The following SPG11 variants were observed in gnomAD, a reference collection of about 807,000 sequenced individuals.
The protein encoded by SPG11 is SPG11 vesicle trafficking associated, spatacsin.
Under a neutral mutation model 274.0 loss-of-function variants are expected in SPG11, and 222 were observed. The ratio of observed to expected loss-of-function variants is 0.81; its 90% CI spans 0.73 to 0.91. The LOEUF (loss-of-function observed/expected upper bound fraction) is 0.91, where lower values mean the gene tolerates loss of function less well. SPG11 is among the 40% of genes least tolerant of loss of function. The probability of loss-of-function intolerance (pLI) is 0.00; values close to 1 mark genes in which losing one functional copy is unlikely to be tolerated. For synonymous variants in SPG11, 1,144 were observed against 1,039.7 expected (o/e 1.10, Z -1.93); for missense variants, 3,114 against 2,872.7 (o/e 1.08, Z -1.92).
In SPG11 at chr15:44,572,668, A is replaced by C; in HGVS notation, c.6343+15T>G. Reference sequence around the variant, plus strand: ...TTTAGGGCCAAAATATGTAAGAAAAAGGTCAATAACTTACTGCAAGACAGT... The same window carrying C: ...TTTAGGGCCAAAATATGTAAGAAAACGGTCAATAACTTACTGCAAGACAGT... On this transcript the variant is annotated intron_variant, in intron 33 of 39. Transcript: ENST00000261866. 1 of 1,613,982 alleles carries C rather than the reference A, an allele frequency of 6.2e-7. No homozygotes were observed. The highest frequency in any genetic ancestry group is 8.5e-7 in the Non-Finnish European group (1 of 1,179,948).
At chr15:44,596,756 G>A (rs778692380) in intron 24 of SPG11, 28 bp downstream of exon 24, 20 of 1,425,040 alleles carry the variant, frequency 1.4e-5, no homozygotes, top group Admixed American at 1.3e-4. Flanking sequence ...ATTTCCTTTT[G>A]AGTGACTGCT....
intron 3 of SPG11, 72 bp downstream of exon 3, chr15:44,659,007 C>CCCAG (rs2085022182): frequency 1.4e-6 from 2 of 1,453,924 alleles, no homozygotes; most frequent in South Asian, 2.3e-5. Flanking sequence ...AAAACTAAAG[C>CCCAG]CTAAAAAGGC....
intron 33 of SPG11, 24 bp downstream of exon 33, chr15:44,572,658 TG>T: frequency 6.2e-7 from 1 of 1,613,922 alleles, no homozygotes; most frequent in Non-Finnish European, 8.5e-7. Context: ...GGCCAAAATA[TG>T]TAAGAAAAAG....
intron 4 of SPG11, among the ~76,000 whole-genome samples, chr15:44,652,502 A>G (rs759575203): frequency 6.6e-6 from 1 of 152,152 alleles, no homozygotes; most frequent in Non-Finnish European, 1.5e-5. Context: ...ACTGTCTACT[A>G]TATTTCAGAT....
At chr15:44,636,014 C>T (rs2084238858) in intron 7 of SPG11, among the ~76,000 whole-genome samples, 1 of 152,022 alleles carries the variant, frequency 6.6e-6, no homozygotes, top group Non-Finnish European at 1.5e-5. Flanking sequence ...ACTGCAAAAC[C>T]CTGCCCCTAG....
At chr15:44,619,783 C>T (rs538462445) in intron 15 of SPG11, among the ~76,000 whole-genome samples, 88 of 147,916 alleles carry the variant, frequency 5.9e-4, no homozygotes, top group African/African-American at 2.1e-3. Flanking sequence ...AGTGCAATGG[C>T]GCAATCTCGG....
chr15:44,642,923 C>T (rs1030883197), intron 7 of SPG11, among the ~76,000 whole-genome samples: 7 of 151,916 alleles, frequency 4.6e-5, no homozygotes, highest in African/African-American at 1.7e-4. Context: ...TGAGGCCAGG[C>T]AAGGTAAGGG....
chr15:44,577,502 C>CAAAAA (rs755097423), intron 30 of SPG11, among the ~76,000 whole-genome samples: 2 of 91,638 alleles, frequency 2.2e-5, no homozygotes, highest in African/African-American at 5.0e-5. Flanking sequence ...GGCCCTATCT[C>CAAAAA]AAAAAAAAAA....
In SPG11 at chr15:44,629,319, T is replaced by C; in HGVS notation, c.1805A>G (p.Gln602Arg). ...SAIRESYSEP[Q>R]SKHFSEQLLN... is the part of the protein sequence containing the mutation. ...CAATTGTTCTGAAAAGTGTTTGCTTTGGGGTTCAGAATAACTTTCTCTAAT... is the reference window on the plus strand; with the variant it reads ...CAATTGTTCTGAAAAGTGTTTGCTTCGGGGTTCAGAATAACTTTCTCTAAT... Residue 602 changes from glutamine to arginine, a missense_variant, in exon 9 of 40, where the codon CAA becomes CGA. By Grantham distance (43) the Gln-to-Arg change is conservative. Coordinates refer to ENST00000261866, the MANE Select transcript of SPG11 (RefSeq NM_025137.4). The C allele has an allele frequency of 6.2e-7, 1 of 1,614,168 alleles. No individual in the cohort carries two copies. Among genetic ancestry groups the C allele is most frequent in the South Asian group, 1.1e-5 (1 of 91,084 alleles).
In SPG11 at chr15:44,613,553, CA is replaced by C; in HGVS notation, c.3039-18del. 1 of 1,511,382 alleles carries C rather than the reference CA, an allele frequency of 6.6e-7. No individual in the cohort carries two copies. Among genetic ancestry groups the C allele is most frequent in the Non-Finnish European group, 9.2e-7 (1 of 1,087,452 alleles). 93.6% of individuals were successfully genotyped at this position (1,511,382 alleles called of 1,614,324 possible). A position where few individuals can be genotyped will look rare whatever the true frequency, so the allele number is the denominator to read the frequency against. ...GGACTAAGTCTGTATATAAAACAAACAAAAACCTTCTTTGATTAACATACAG... is the reference window on the plus strand; with the variant it reads ...GGACTAAGTCTGTATATAAAACAAACAAAACCTTCTTTGATTAACATACAG... On this transcript the variant is annotated intron_variant, in intron 16 of 39. Transcript: ENST00000261866.
intron 29 of SPG11, 68 bp downstream of exon 29, chr15:44,585,568 C>G: frequency 7.2e-7 from 1 of 1,388,886 alleles, no homozygotes; most frequent in Non-Finnish European, 1.0e-6. Context: ...CGCCACTGCA[C>G]TCCAGCCTGG....
At position 44,574,926 on chromosome 15, in the gene SPG11, G is replaced by A; in HGVS notation, c.5982C>T (p.Val1994=). 1.2e-6 allele frequency: 2 copies of A among 1,613,990 alleles called. No homozygotes were observed. Among genetic ancestry groups the A allele is most frequent in the Non-Finnish European group, 1.7e-6 (2 of 1,180,030 alleles). The change falls in exon 31 of 40, where the codon GTC becomes GTT. Residue 1994 remains valine (V), a synonymous_variant. Transcript: ENST00000261866. ...CCTTGGCAAGATCATACAGACAGAG[G>A]ACCTGTCGACAGTAGTTCTTCCCAT... is the stretch of plus-strand genomic sequence containing the variant. ...CLHGKNYCRQ[V]LCLYDLAKEL...
chr15:44,627,936 T>C lies in SPG11; in HGVS notation c.2067+733A>G, dbSNP rs188733507. Among the ~76,000 whole-genome samples the C allele has an allele frequency of 2.1e-3, 317 of 152,262 alleles. 2 individuals carry two copies. The highest frequency in any genetic ancestry group is 7.4e-3 in the African/African-American group (309 of 41,556). ...CAGAATGAATAAGAGATACAGAAAA[T>C]GCAGTCACACCACGTACTTTAATCC... On this transcript the variant is annotated intron_variant, in intron 10 of 39. Coordinates refer to ENST00000261866, the MANE Select transcript of SPG11 (RefSeq NM_025137.4).
intron 7 of SPG11, among the ~76,000 whole-genome samples, chr15:44,634,970 G>A (rs1182395736): frequency 1.3e-5 from 2 of 151,900 alleles, no homozygotes; most frequent in African/African-American, 2.4e-5. Context: ...TGTAATCCCA[G>A]CTTGGGAGGT....
chr15:44,565,797 G>T, intron 38 of SPG11, 57 bp downstream of exon 38: 1 of 1,605,734 alleles, frequency 6.2e-7, no homozygotes, highest in South Asian at 1.1e-5. Context: ...TTCCATGAGT[G>T]GGACAGAAGG....
chr15:44,593,205 A>T (rs540257106), intron 26 of SPG11, among the ~76,000 whole-genome samples: 3 of 151,576 alleles, frequency 2.0e-5, no homozygotes, highest in African/African-American at 7.3e-5. Context: ...ATTTTTTATT[A>T]TTTTTTTTGA....
intron 17 of SPG11, among the ~76,000 whole-genome samples, 191 bp from the exon 18 acceptor site, chr15:44,611,176 G>A (rs1240459519): frequency 7.0e-6 from 1 of 142,830 alleles, no homozygotes; most frequent in African/African-American, 2.6e-5. Flanking sequence ...TGAAAGATTT[G>A]TCTACATAAA....
chr15:44,633,324 C>CA lies in SPG11; in HGVS notation c.1735+180dup, dbSNP rs531787427. The CA allele has an allele frequency of 9.1e-3, 986 of 108,716 alleles. 234 individuals carry two copies. The highest frequency in any genetic ancestry group is 0.011 in the Non-Finnish European group (753 of 65,508). The allele number at this position is 108,716 out of a possible 1,614,324, so 6.7% of individuals were successfully genotyped here. The stretch of plus-strand genomic sequence containing the variant: ...TAGGCAACAGAGTGAGACTCTGTCT[C>CA]AAAAAAAAAAAAAAAAAAAAAAAAA... On this transcript the variant is annotated intron_variant, in intron 8 of 39. Transcript: ENST00000261866.
chr15:44,592,104 C>T (rs969102407), intron 27 of SPG11, among the ~76,000 whole-genome samples: 48 of 145,824 alleles, frequency 3.3e-4, no homozygotes, highest in African/African-American at 1.2e-3. Context: ...GAGCCAGACA[C>T]TGTCTCAAAA....
Sources: gnomAD v4.1 joint callset for allele counts (sites outside exome capture counted in the v4.1 genomes callset) on GRCh38, gnomAD v4.1.1 for gene constraint, MANE v1.5 for transcripts, NCBI Gene and HGNC (gene_info 2026-07-23, HGNC 2026-07-21) for gene names.